DLGAP1: variants seen among roughly 807,000 people sequenced by gnomAD.
DLGAP1 encodes the protein DLG associated protein 1.
DLGAP1 carries 11 observed loss-of-function variants against 90.8 expected under a neutral mutation model. The ratio of observed to expected loss-of-function variants is 0.12; its 90% confidence interval spans 0.08 to 0.20. The LOEUF is 0.20. Among genes scored for constraint, DLGAP1 ranks in the 10% least tolerant of loss-of-function variants. The pLI, the probability that DLGAP1 is intolerant of heterozygous loss-of-function variation, is 1.00. For synonymous variants in DLGAP1, 558 were observed against 540.7 expected, an observed-to-expected ratio of 1.03 and a Z score of -0.44; for missense variants, 1,050 against 1,333.8, an observed-to-expected ratio of 0.79 and a Z score of 3.31.
intron 7 of DLGAP1, among the ~76,000 whole-genome samples, chr18:3,634,757 C>T (rs959888237): frequency 2.0e-5 from 3 of 152,206 alleles, no homozygotes; most frequent in African/African-American, 7.2e-5. Context: ...GATTTGGTCT[C>T]TGAATGACTG....
intron 5 of DLGAP1, among the ~76,000 whole-genome samples, chr18:3,793,685 C>A (rs1232641665): frequency 6.6e-6 from 1 of 152,134 alleles, no homozygotes; most frequent in Non-Finnish European, 1.5e-5. Context: ...TCTGCTGTGG[C>A]CACCCCTGCT....
At chr18:3,758,972 AT>A in intron 5 of DLGAP1, among the ~76,000 whole-genome samples, 1 of 152,326 alleles carries the variant, frequency 6.6e-6, no homozygotes, top group South Asian at 2.1e-4. Flanking sequence ...CCATCCGAAG[AT>A]CTCAGTTTAT....
At chr18:4,021,637 G>A (rs916379237) in intron 2 of DLGAP1, among the ~76,000 whole-genome samples, 5 of 151,408 alleles carry the variant, frequency 3.3e-5, no homozygotes, top group Admixed American at 1.3e-4. Context: ...TTGCTCTGTC[G>A]CCCAGGCTGG....
intron 3 of DLGAP1, among the ~76,000 whole-genome samples, chr18:4,001,626 C>A (rs2074187899): frequency 6.6e-6 from 1 of 152,166 alleles, no homozygotes; most frequent in East Asian, 1.9e-4. Flanking sequence ...TGGCTCTTTG[C>A]TCTTCCCTCC....
intron 7 of DLGAP1, among the ~76,000 whole-genome samples, chr18:3,726,498 G>A (rs2062187269): frequency 6.6e-6 from 1 of 151,990 alleles, no homozygotes. Context: ...GGAGTAGTAG[G>A]AGGGGCAGAA....
intron 4 of DLGAP1, among the ~76,000 whole-genome samples, chr18:3,864,045 C>A (rs533160620): frequency 6.6e-6 from 1 of 152,212 alleles, no homozygotes. Context: ...CTGGTCTTTT[C>A]CCTCCTGCTT....
At chr18:4,343,021 T>A (rs1486125088) in intron 1 of DLGAP1, among the ~76,000 whole-genome samples, 1 of 151,990 alleles carries the variant, frequency 6.6e-6, no homozygotes, top group Non-Finnish European at 1.5e-5. Flanking sequence ...AAGTTTGGAT[T>A]ATGGGGCCGG....
At chr18:3,805,136 A>T (rs566083901) in intron 5 of DLGAP1, among the ~76,000 whole-genome samples, 1 of 152,344 alleles carries the variant, frequency 6.6e-6, no homozygotes, top group East Asian at 1.9e-4. Flanking sequence ...ACATATGTGG[A>T]GCAACTACTG....
intron 1 of DLGAP1, among the ~76,000 whole-genome samples, chr18:4,318,280 T>C (rs1028406127): frequency 1.3e-5 from 2 of 152,214 alleles, no homozygotes; most frequent in Admixed American, 6.5e-5. Context: ...TCACCATTCA[T>C]AGCTTGAAAG....
At chr18:3,979,221 A>G (rs1432016433) in intron 3 of DLGAP1, among the ~76,000 whole-genome samples, 1 of 142,184 alleles carries the variant, frequency 7.0e-6, no homozygotes. Context: ...CCATAAGACT[A>G]TAGAGCCCTA....
At chr18:4,335,908 T>C (rs779435357) in intron 1 of DLGAP1, among the ~76,000 whole-genome samples, 1 of 152,248 alleles carries the variant, frequency 6.6e-6, no homozygotes, top group Admixed American at 6.5e-5. Context: ...AAAGTGTGCA[T>C]ATGAAATACA....
chr18:3,600,748 A>AGG (rs2056875706), intron 7 of DLGAP1, among the ~76,000 whole-genome samples: 1 of 9,484 alleles, frequency 1.1e-4, no homozygotes, highest in Admixed American at 6.3e-4. Flanking sequence ...AGATATATAG[A>AGG]TATATATAGA....
intron 4 of DLGAP1, among the ~76,000 whole-genome samples, chr18:3,859,234 C>T (rs979073242): frequency 1.3e-5 from 2 of 152,082 alleles, no homozygotes; most frequent in African/African-American, 4.8e-5. Flanking sequence ...TTCATTTCAT[C>T]ACCATATACG....
At chr18:3,758,537 C>T (rs2063812865) in intron 5 of DLGAP1, among the ~76,000 whole-genome samples, 1 of 152,234 alleles carries the variant, frequency 6.6e-6, no homozygotes, top group Admixed American at 6.5e-5. Context: ...TCCCTAATGC[C>T]TGCGCTCCAA....
At chr18:4,400,586 T>C (rs899853386) in intron 1 of DLGAP1, among the ~76,000 whole-genome samples, 4 of 152,066 alleles carry the variant, frequency 2.6e-5, no homozygotes, top group Admixed American at 6.6e-5. Context: ...ACACAGAATG[T>C]TCTTTGTGGG....
chr18:3,525,978 C>T (rs1031897080), intron 10 of DLGAP1, among the ~76,000 whole-genome samples: 4 of 152,158 alleles, frequency 2.6e-5, no homozygotes, highest in Admixed American at 2.6e-4. Flanking sequence ...CTGTGCAAAG[C>T]GGCATGAATG....
intron 3 of DLGAP1, among the ~76,000 whole-genome samples, chr18:3,971,264 T>C (rs1364462920): frequency 2.0e-5 from 3 of 152,222 alleles, no homozygotes; most frequent in Non-Finnish European, 4.4e-5. Context: ...TATTATTTCT[T>C]TTCAGAGGTA....
intron 2 of DLGAP1, among the ~76,000 whole-genome samples, chr18:4,060,916 T>C (rs78470669): frequency 1.3e-5 from 2 of 152,212 alleles, no homozygotes; most frequent in East Asian, 3.9e-4. Context: ...GAAAGAAATG[T>C]GGTAAAATTT....
At chr18:4,194,369 T>A (rs1042616131) in intron 1 of DLGAP1, among the ~76,000 whole-genome samples, 1 of 152,210 alleles carries the variant, frequency 6.6e-6, no homozygotes, top group Non-Finnish European at 1.5e-5. Context: ...AATACTGAGA[T>A]AAAAAGATTA....
Sources: allele counts gnomAD v4.1 joint callset (sites outside exome capture counted in the v4.1 genomes callset), GRCh38; gene constraint gnomAD v4.1.1; transcripts MANE v1.5; gene names NCBI Gene and HGNC (gene_info 2026-07-23, HGNC 2026-07-21).